The following NUDT3 variants were observed in gnomAD, a reference collection of about 807,000 sequenced individuals.
The protein encoded by NUDT3 is diphosphoinositol polyphosphate phosphohydrolase 1.
A neutral mutation model predicts 23.6 loss-of-function variants in NUDT3; 9 were observed. The observed-to-expected ratio is 0.38, with a 90% CI of 0.23 to 0.66. The LOEUF (loss-of-function observed/expected upper bound fraction) is 0.66. Ranked by LOEUF, NUDT3 falls within the 30% of genes least tolerant of loss-of-function variation. The pLI is 0.52. For synonymous variants in NUDT3, 86 were observed against 82.6 expected (o/e 1.04, Z -0.22); for missense variants, 172 against 218.5 (o/e 0.79, Z 1.34).
rs115546868 is a variant in NUDT3 at position 34,329,808 on chromosome 6, C to T, written c.210+12054G>A. On this transcript the variant is annotated intron_variant, in intron 2 of 4. Transcript: ENST00000607016. ...TAATGCTATCCCTCCCCCAACCCCA[C>T]CCCATGGCAGGCCCTGGTGTGTGAT... Among the ~76,000 whole-genome samples, 369 of 152,268 alleles carry T rather than the reference C, an allele frequency of 2.4e-3. 2 individuals carry two copies. The Middle Eastern group carries it at 0.027, about 11-fold the overall frequency.
At chr6:34,342,344 C>A (rs1007909215) in intron 1 of NUDT3, among the ~76,000 whole-genome samples, 2 of 147,570 alleles carry the variant, frequency 1.4e-5, no homozygotes, top group East Asian at 3.9e-4. Flanking sequence ...CCTGTCAGCA[C>A]TGAAAAAGCT....
chr6:34,319,622 G>A (rs189339825), intron 2 of NUDT3, among the ~76,000 whole-genome samples: 1 of 152,272 alleles, frequency 6.6e-6, no homozygotes, highest in East Asian at 1.9e-4. Context: ...CATTGGATAG[G>A]CATGATTGGA....
chr6:34,327,812 G>A (rs1206619352), intron 2 of NUDT3, among the ~76,000 whole-genome samples: 1 of 152,118 alleles, frequency 6.6e-6, no homozygotes, highest in East Asian at 1.9e-4. Context: ...AGTCTGCTAA[G>A]TAACTGGTGT....
At chr6:34,345,144 G>A (rs966585830) in intron 1 of NUDT3, among the ~76,000 whole-genome samples, 1 of 151,470 alleles carries the variant, frequency 6.6e-6, no homozygotes, top group Non-Finnish European at 1.5e-5. Flanking sequence ...TGCCTCCCGG[G>A]TTCAAGTGAT....
At chr6:34,351,213 A>AAAAAAAAAAAC (rs1764466102) in intron 1 of NUDT3, among the ~76,000 whole-genome samples, 2 of 130,856 alleles carry the variant, frequency 1.5e-5, no homozygotes, top group South Asian at 5.1e-4. Flanking sequence ...AAAAAAAAAA[A>AAAAAAAAAAAC]AAAAAAAAAA....
chr6:34,316,546 T>C (rs1056661896), intron 2 of NUDT3, among the ~76,000 whole-genome samples: 1 of 152,198 alleles, frequency 6.6e-6, no homozygotes, highest in African/African-American at 2.4e-5. Flanking sequence ...CACATTCTGT[T>C]ATTTGAAACT....
chr6:34,370,720 T>A (rs1431704041), intron 1 of NUDT3, among the ~76,000 whole-genome samples: 2 of 152,238 alleles, frequency 1.3e-5, no homozygotes, highest in African/African-American at 4.8e-5. Context: ...AATTCTCACA[T>A]ATTTTCTTTG....
At chr6:34,326,292 T>C (rs1208046902) in intron 2 of NUDT3, among the ~76,000 whole-genome samples, 1 of 152,236 alleles carries the variant, frequency 6.6e-6, no homozygotes, top group Non-Finnish European at 1.5e-5. Flanking sequence ...TTAACATTTT[T>C]ATTTAACAGT....
At chr6:34,368,340 C>T (rs960913784) in intron 1 of NUDT3, among the ~76,000 whole-genome samples, 1 of 152,130 alleles carries the variant, frequency 6.6e-6, no homozygotes, top group Non-Finnish European at 1.5e-5. Flanking sequence ...CTGAGAAGGC[C>T]TATCTCTTTA....
At chr6:34,320,624 C>T (rs1291647399) in intron 2 of NUDT3, among the ~76,000 whole-genome samples, 3 of 152,000 alleles carry the variant, frequency 2.0e-5, no homozygotes, top group Admixed American at 1.3e-4. Flanking sequence ...TTCTTGAGCC[C>T]GGAGTTCGAG....
intron 2 of NUDT3, among the ~76,000 whole-genome samples, chr6:34,315,695 T>A (rs1561904377): frequency 6.6e-6 from 1 of 152,168 alleles, no homozygotes; most frequent in Admixed American, 6.5e-5. Flanking sequence ...AAGTATAGAT[T>A]TAAACTAGAT....
At chr6:34,367,956 A>C (rs1442321181) in intron 1 of NUDT3, among the ~76,000 whole-genome samples, 1 of 152,196 alleles carries the variant, frequency 6.6e-6, no homozygotes, top group Non-Finnish European at 1.5e-5. Context: ...TAATTCCAGC[A>C]CTTTGGGAGG....
intron 2 of NUDT3, among the ~76,000 whole-genome samples, chr6:34,302,964 CA>C (rs1218184826): frequency 6.6e-6 from 1 of 152,144 alleles, no homozygotes; most frequent in East Asian, 1.9e-4. Context: ...TTAACTAATA[CA>C]ACTTTATCTT....
In NUDT3 at chr6:34,290,400, T is replaced by G. The variant is rs142412534; in HGVS notation, c.341-1469A>C. ...AGCACGTGCCACACCTGCTGCTGCTTCTTTTTTTTTTTTTTTTTTTTTTGG... is the reference window on the plus strand; with the variant it reads ...AGCACGTGCCACACCTGCTGCTGCTGCTTTTTTTTTTTTTTTTTTTTTTGG... On this transcript the variant is annotated intron_variant, in intron 4 of 4. Coordinates refer to ENST00000607016, the MANE Select transcript of NUDT3 (RefSeq NM_006703.4). Among the ~76,000 whole-genome samples, 929 of 144,222 alleles carry G rather than the reference T, an allele frequency of 6.4e-3. 5 individuals carry two copies. The highest frequency in any genetic ancestry group is 0.018 in the Middle Eastern group (5 of 284). The allele number at this position is 144,222 out of a possible 152,430, so 94.6% of individuals were successfully genotyped here.
At chr6:34,378,399 T>A (rs2113765568) in intron 1 of NUDT3, among the ~76,000 whole-genome samples, 1 of 152,334 alleles carries the variant, frequency 6.6e-6, no homozygotes, top group South Asian at 2.1e-4. Context: ...TGTATACGTT[T>A]CTTCTGGTGC....
At chr6:34,382,779 C>G (rs988311045) in intron 1 of NUDT3, among the ~76,000 whole-genome samples, 5 of 151,546 alleles carry the variant, frequency 3.3e-5, no homozygotes, top group African/African-American at 1.2e-4. Context: ...TGCAGTTAGC[C>G]ATGACTGCAT....
Position 34,392,335 on chromosome 6 carries a change from G to A in NUDT3, c.28C>T (p.Arg10Cys), listed in dbSNP as rs930508261. The change falls in exon 1 of 5, where the codon CGC (arginine) becomes TGC (cysteine). Residue 10 changes from arginine to cysteine, a missense_variant. Arg to Cys is a radical substitution (Grantham distance 180). Around this residue, in one of 3 missense-constraint regions of NUDT3, gnomAD observed 50 missense variants for 46.2 expected, o/e 1.08. Coordinates refer to ENST00000607016, the MANE Select transcript of NUDT3 (RefSeq NM_006703.4). Reference protein sequence around the residue: MMKLKSNQTRTYDGDGYKKR... With the variant: MMKLKSNQTCTYDGDGYKKR... ...TTGTAGCCGTCGCCGTCGTAGGTGC[G>A]GGTCTGGTTCGACTTGAGCTTCATC... The A allele has an allele frequency of 1.2e-6, 2 of 1,605,944 alleles. No individual in the cohort carries two copies. The highest frequency in any genetic ancestry group is 1.7e-6 in the Non-Finnish European group (2 of 1,177,382).
At chr6:34,311,119 G>T (rs184072839) in intron 2 of NUDT3, among the ~76,000 whole-genome samples, 43 of 152,178 alleles carry the variant, frequency 2.8e-4, no homozygotes, top group Non-Finnish European at 4.7e-4. Context: ...TTAATGGTGA[G>T]AAACTAGAAT....
intron 2 of NUDT3, among the ~76,000 whole-genome samples, chr6:34,321,705 A>G (rs1763945210): frequency 6.6e-6 from 1 of 152,124 alleles, no homozygotes; most frequent in South Asian, 2.1e-4. Flanking sequence ...GAGCAGTACT[A>G]CACTCTCACC....
Sources: allele counts gnomAD v4.1 joint callset (sites outside exome capture counted in the v4.1 genomes callset), GRCh38; gene constraint gnomAD v4.1.1; regional missense constraint gnomAD v4.1.1; transcripts MANE v1.5; gene names NCBI Gene and HGNC (gene_info 2026-07-23, HGNC 2026-07-21).